PTPRG: variants seen among roughly 807,000 people sequenced by gnomAD.
PTPRG encodes protein tyrosine phosphatase receptor type G, also known as receptor-type tyrosine-protein phosphatase gamma.
PTPRG carries 102 observed loss-of-function variants against 165.3 expected under a neutral mutation model. The ratio of observed to expected loss-of-function variants is 0.62; its 90% CI spans 0.53 to 0.73. The LOEUF (loss-of-function observed/expected upper bound fraction) is 0.73. PTPRG is among the 30% of genes least tolerant of loss of function. The pLI, the probability that PTPRG is intolerant of heterozygous loss-of-function variation, is 0.00. For missense variants in PTPRG, 1,866 were observed against 1,861.4 expected (o/e 1.00, Z -0.05); for synonymous variants, 675 against 669.5 (o/e 1.01, Z -0.13).
At position 62,267,676 on chromosome 3, in the gene PTPRG, A is replaced by G. The variant is rs369510810; in HGVS notation, c.2740-9A>G. On this transcript the variant is annotated splice_polypyrimidine_tract_variant and intron_variant, in intron 18 of 29. Coordinates refer to ENST00000474889, the MANE Select transcript of PTPRG (RefSeq NM_002841.4). ...CTTTCATCTCACTTTGTGCTGTGTC[A>G]TTTTGAAGGGTTACAACAAAGCAAA... 479 of 1,608,478 alleles carry G rather than the reference A, an allele frequency of 3.0e-4. No homozygotes were observed. Among genetic ancestry groups the G allele is most frequent in the Non-Finnish European group, 3.8e-4 (453 of 1,178,170 alleles).
chr3:61,858,775 A>G (rs1304221852), intron 2 of PTPRG, among the ~76,000 whole-genome samples: 1 of 152,188 alleles, frequency 6.6e-6, no homozygotes, highest in Non-Finnish European at 1.5e-5. Flanking sequence ...TTAAACTTTT[A>G]ATTATGATGC....
rs1011560618 is a variant in PTPRG, at chr3:62,296,751, A to G, written c.*3444A>G. On this transcript the variant is annotated 3_prime_UTR_variant, in exon 30 of 30. Coordinates refer to ENST00000474889, the MANE Select transcript of PTPRG (RefSeq NM_002841.4). ...CTGGCTTTACTTATCTCTAGAAAGAAGAAGGCATGCTACAAATAGGAAGGA... is the reference window on the plus strand; with the variant it reads ...CTGGCTTTACTTATCTCTAGAAAGAGGAAGGCATGCTACAAATAGGAAGGA... The G allele has an allele frequency of 3.3e-5, 5 of 151,944 alleles. No homozygotes were observed. Among genetic ancestry groups the G allele is most frequent in the African/African-American group, 1.2e-4 (5 of 41,388 alleles). The allele number at this position is 151,944 out of a possible 1,614,324, so 9.4% of individuals were successfully genotyped here.
chr3:61,634,547 G>A (rs1046230317), intron 1 of PTPRG, among the ~76,000 whole-genome samples: 1 of 151,700 alleles, frequency 6.6e-6, no homozygotes, highest in Non-Finnish European at 1.5e-5. Flanking sequence ...CTGTGTGTGT[G>A]TGTTTTTTTT....
In PTPRG at chr3:61,680,765, G is replaced by A. The variant is rs1357297684; in HGVS notation, c.86-68113G>A. Among the ~76,000 whole-genome samples, 2 of 69,254 alleles carry A rather than the reference G, an allele frequency of 2.9e-5. 1 individual carries two copies. Among genetic ancestry groups the A allele is most frequent in the Non-Finnish European group, 8.1e-5 (2 of 24,562 alleles). The allele number at this position is 69,254 out of a possible 152,430, so 45.4% of individuals were successfully genotyped here. ...TGTGGTACAGGTTGCAGGGAGGTGG[G>A]GATGGGGATGACTAGGGTCACAGCA... On this transcript the variant is annotated intron_variant, in intron 1 of 29. Transcript: ENST00000474889.
intron 2 of PTPRG, among the ~76,000 whole-genome samples, chr3:61,860,287 G>A (rs1407203333): frequency 6.6e-6 from 1 of 152,028 alleles, no homozygotes; most frequent in Non-Finnish European, 1.5e-5. Flanking sequence ...ATCTTAATGA[G>A]AATTGATTTT....
rs143022867 is a variant in PTPRG, at chr3:62,115,445, C to T, written c.616-17157C>T. Among the ~76,000 whole-genome samples, 280 of 152,174 alleles carry T rather than the reference C, an allele frequency of 1.8e-3. 1 individual carries two copies. Among genetic ancestry groups the T allele is most frequent in the African/African-American group, 6.3e-3 (263 of 41,524 alleles). On this transcript the variant is annotated intron_variant, in intron 5 of 29. Coordinates refer to ENST00000474889, the MANE Select transcript of PTPRG (RefSeq NM_002841.4). ...GAGTATAAGCAGGTAGGTTACCACTCGATGAAAAGTGATTGGTAATGGAGG... is the reference window on the plus strand; with the variant it reads ...GAGTATAAGCAGGTAGGTTACCACTTGATGAAAAGTGATTGGTAATGGAGG...
chr3:61,912,808 G>T (rs993506469), intron 2 of PTPRG, among the ~76,000 whole-genome samples: 1 of 152,102 alleles, frequency 6.6e-6, no homozygotes, highest in Admixed American at 6.5e-5. Context: ...TTTGATGTGG[G>T]TATTTTAGTT....
At chr3:61,606,100 C>T (rs1700997930) in intron 1 of PTPRG, among the ~76,000 whole-genome samples, 1 of 152,236 alleles carries the variant, frequency 6.6e-6, no homozygotes, top group Admixed American at 6.5e-5. Context: ...CTTGCGGTTT[C>T]CATGGGTCAT....
chr3:61,658,447 C>T (rs1372222094), intron 1 of PTPRG, among the ~76,000 whole-genome samples: 1 of 152,146 alleles, frequency 6.6e-6, no homozygotes, highest in Admixed American at 6.5e-5. Context: ...GCTCTGCCCT[C>T]ATCTATTTTT....
chr3:61,675,590 C>G (rs1483072960), intron 1 of PTPRG, among the ~76,000 whole-genome samples: 1 of 152,036 alleles, frequency 6.6e-6, no homozygotes, highest in Non-Finnish European at 1.5e-5. Flanking sequence ...CTTTTAATAA[C>G]AGGATTATGC....
At chr3:62,009,601 A>T (rs1030912086) in intron 4 of PTPRG, among the ~76,000 whole-genome samples, 1 of 152,092 alleles carries the variant, frequency 6.6e-6, no homozygotes, top group Admixed American at 6.5e-5. Context: ...TACGTCTGTC[A>T]CATTTTGGTT....
At chr3:61,972,175 G>C (rs982450046) in intron 2 of PTPRG, among the ~76,000 whole-genome samples, 2 of 152,218 alleles carry the variant, frequency 1.3e-5, no homozygotes, top group African/African-American at 4.8e-5. Flanking sequence ...CCTCCAGAAG[G>C]TGACTGAGTT....
intron 4 of PTPRG, among the ~76,000 whole-genome samples, chr3:62,063,356 G>A (rs1293794555): frequency 1.3e-5 from 2 of 152,166 alleles, no homozygotes; most frequent in Non-Finnish European, 2.9e-5. Flanking sequence ...ATCCAGTTCA[G>A]AAAATGCCTC....
intron 2 of PTPRG, among the ~76,000 whole-genome samples, chr3:61,786,540 G>A (rs1023240032): frequency 3.3e-4 from 50 of 152,292 alleles, no homozygotes; most frequent in African/African-American, 1.2e-3. Context: ...ATTCAAGGGT[G>A]GTTGGAGAGT....
chr3:62,111,713 T>C (rs540264851), intron 5 of PTPRG, among the ~76,000 whole-genome samples: 54 of 152,128 alleles, frequency 3.5e-4, no homozygotes, highest in Non-Finnish European at 1.3e-4. Context: ...CCTCCCAAAG[T>C]GCTGGGATTA....
At chr3:61,727,069 G>A (rs2032294243) in intron 1 of PTPRG, among the ~76,000 whole-genome samples, 1 of 151,458 alleles carries the variant, frequency 6.6e-6, no homozygotes, top group Admixed American at 6.6e-5. Flanking sequence ...AAAAGATTGA[G>A]CTATTGAATT....
chr3:62,041,003 C>T (rs1203221295), intron 4 of PTPRG, among the ~76,000 whole-genome samples: 2 of 152,194 alleles, frequency 1.3e-5, no homozygotes, highest in Non-Finnish European at 2.9e-5. Flanking sequence ...TGAGTCCTGG[C>T]TCTGCCCACT....
chr3:61,860,729 C>G (rs2037242717), intron 2 of PTPRG, among the ~76,000 whole-genome samples: 1 of 152,134 alleles, frequency 6.6e-6, no homozygotes, highest in Non-Finnish European at 1.5e-5. Context: ...CAGGTGTGAG[C>G]CACTGCGCCT....
At chr3:61,587,869 G>A (rs906187562) in intron 1 of PTPRG, among the ~76,000 whole-genome samples, 2 of 151,606 alleles carry the variant, frequency 1.3e-5, no homozygotes, top group African/African-American at 2.4e-5. Flanking sequence ...GTGTTGCCCA[G>A]GCTGGTCTCA....
Sources: gnomAD v4.1 joint callset for allele counts (sites outside exome capture counted in the v4.1 genomes callset) on GRCh38, gnomAD v4.1.1 for gene constraint, MANE v1.5 for transcripts, NCBI Gene and HGNC (gene_info 2026-07-23, HGNC 2026-07-21) for gene names.